XXYLT1: variants seen among roughly 807,000 people sequenced by gnomAD.
XXYLT1 encodes UDP-xylose:alpha-xyloside alpha-1,3-xylosyltransferase.
A neutral mutation model predicts 28.9 loss-of-function variants in XXYLT1; 20 were observed. The observed-to-expected ratio is 0.69, with a 90% confidence interval of 0.49 to 1.00. The LOEUF (loss-of-function observed/expected upper bound fraction) is 1.00, where lower values mean the gene tolerates loss of function less well. XXYLT1 is among the 50% of genes least tolerant of loss of function. The pLI, the probability that XXYLT1 is intolerant of heterozygous loss-of-function variation, is 0.00. For missense variants in XXYLT1, 542 were observed against 560.1 expected (o/e 0.97, Z 0.33); for synonymous variants, 257 against 253.8 (o/e 1.01, Z -0.12).
chr3:195,252,717 CACACACACACAG>C lies in XXYLT1; in HGVS notation c.504+17826_504+17837del, dbSNP rs1157399872. ...CCACACACACACACACACACACACA[CACACACACACAG>C]AGAGAGAGAGAGAGAGAGAGAGAGA... On this transcript the variant is annotated intron_variant, in intron 1 of 3. Coordinates refer to ENST00000310380, the MANE Select transcript of XXYLT1 (RefSeq NM_152531.5). 5.8e-3 allele frequency among the ~76,000 whole-genome samples: 815 copies of C among 139,514 alleles called. 9 individuals are homozygous for C. Among genetic ancestry groups the C allele is most frequent in the African/African-American group, 0.021 (681 of 32,300 alleles). 91.5% of individuals were successfully genotyped at this position (139,514 alleles called of 152,430 possible).
intron 2 of XXYLT1, among the ~76,000 whole-genome samples, chr3:195,171,276 G>T (rs893851837): frequency 1.3e-5 from 2 of 152,224 alleles, no homozygotes; most frequent in African/African-American, 2.4e-5. Flanking sequence ...CTTCCCACAG[G>T]AGGGCAGGTT....
In XXYLT1 at chr3:195,068,492, T is replaced by TAAAC; in HGVS notation, c.*1219_*1222dup. 2 of 152,228 alleles carry TAAAC rather than the reference T, an allele frequency of 1.3e-5. No homozygotes were observed. The highest frequency in any genetic ancestry group is 4.1e-4 in the South Asian group (2 of 4,824). 9.4% of individuals were successfully genotyped at this position (152,228 alleles called of 1,614,324 possible). On this transcript the variant is annotated 3_prime_UTR_variant, in exon 4 of 4. Coordinates refer to ENST00000310380, the MANE Select transcript of XXYLT1 (RefSeq NM_152531.5). ...AACGTGGTATGATAAGGGGATTTTTTAAACAAAGAAACTAGAATGCTTACT... is the reference window on the plus strand; with the variant it reads ...AACGTGGTATGATAAGGGGATTTTTTAAACAAACAAAGAAACTAGAATGCTTACT...
chr3:195,113,820 C>A (rs1031052658), intron 3 of XXYLT1, among the ~76,000 whole-genome samples: 1 of 152,086 alleles, frequency 6.6e-6, no homozygotes, highest in African/African-American at 2.4e-5. Flanking sequence ...GAGCCCTGGG[C>A]ATTCTGATAG....
intron 3 of XXYLT1, among the ~76,000 whole-genome samples, chr3:195,084,854 G>A (rs1286461804): frequency 6.6e-6 from 1 of 152,190 alleles, no homozygotes; most frequent in African/African-American, 2.4e-5. Context: ...CTGATGGCAG[G>A]ACCATTCTCC....
intron 1 of XXYLT1, among the ~76,000 whole-genome samples, chr3:195,238,867 CT>C (rs762900087): frequency 6.6e-6 from 1 of 152,224 alleles, no homozygotes; most frequent in Non-Finnish European, 1.5e-5. Context: ...GGGAAGGCCT[CT>C]GTGTTCACTA....
At chr3:195,214,763 C>G (rs1283587239) in intron 2 of XXYLT1, 2 of 152,182 alleles carry the variant, frequency 1.3e-5, no homozygotes, top group African/African-American at 4.8e-5. Flanking sequence ...TGCCTCATGA[C>G]GGCTAATTAA....
At chr3:195,171,411 A>G (rs1339623802) in intron 2 of XXYLT1, among the ~76,000 whole-genome samples, 1 of 152,102 alleles carries the variant, frequency 6.6e-6, no homozygotes, top group Admixed American at 6.5e-5. Context: ...CCAACCATAA[A>G]CCCAGACTTC....
At chr3:195,198,441 C>A (rs1352420494) in intron 2 of XXYLT1, among the ~76,000 whole-genome samples, 1 of 152,160 alleles carries the variant, frequency 6.6e-6, no homozygotes. Context: ...CATGCTATAT[C>A]CACAGTAAGA....
At chr3:195,142,025 C>T (rs1719519859) in intron 3 of XXYLT1, among the ~76,000 whole-genome samples, 1 of 152,242 alleles carries the variant, frequency 6.6e-6, no homozygotes, top group Admixed American at 6.5e-5. Flanking sequence ...CTCCTTATTT[C>T]AACCATAGAG....
At chr3:195,147,671 G>A (rs1392146492) in intron 3 of XXYLT1, among the ~76,000 whole-genome samples, 1 of 152,188 alleles carries the variant, frequency 6.6e-6, no homozygotes, top group Non-Finnish European at 1.5e-5. Context: ...TGGGACTACA[G>A]AGCCTGACTT....
Position 195,068,953 on chromosome 3 carries a change from T to A in XXYLT1, c.*762A>T, listed in dbSNP as rs560093674. On this transcript the variant is annotated 3_prime_UTR_variant, in exon 4 of 4. Coordinates refer to ENST00000310380, the MANE Select transcript of XXYLT1 (RefSeq NM_152531.5). ...TGTCCTTGTGGTGGCCAGTCTCTGT[T>A]CTTTGATGACGAATTTGCTTTCTGA... The A allele has an allele frequency of 6.6e-6, 1 of 152,328 alleles. No homozygotes were observed. Among genetic ancestry groups the A allele is most frequent in the Non-Finnish European group, 1.5e-5 (1 of 68,060 alleles). The allele number at this position is 152,328 out of a possible 1,614,324, so 9.4% of individuals were successfully genotyped here. A position where few individuals can be genotyped will look rare whatever the true frequency, so the allele number is the denominator to read the frequency against.
chr3:195,134,064 A>G (rs1025933965), intron 3 of XXYLT1, among the ~76,000 whole-genome samples: 3 of 152,220 alleles, frequency 2.0e-5, no homozygotes, highest in Non-Finnish European at 4.4e-5. Flanking sequence ...ACAGACAGAC[A>G]GACAGAAAGA....
intron 3 of XXYLT1, among the ~76,000 whole-genome samples, chr3:195,118,009 C>T (rs2410843): frequency 0.17 from 25,846 of 152,222 alleles, 2,275 homozygotes; most frequent in East Asian, 0.26. Flanking sequence ...CACCCCTTAA[C>T]GCTTCTGCTC....
chr3:195,100,631 G>T (rs2108676219), intron 3 of XXYLT1, among the ~76,000 whole-genome samples: 1 of 152,140 alleles, frequency 6.6e-6, no homozygotes, highest in Admixed American at 6.5e-5. Context: ...CCAGACCCAA[G>T]TTCCTGGGCC....
chr3:195,094,699 T>C (rs765768511), intron 3 of XXYLT1: 5 of 153,572 alleles, frequency 3.3e-5, no homozygotes, highest in Non-Finnish European at 7.3e-5. Flanking sequence ...ACGCTTCCCG[T>C]CTCCACGCCA....
intron 2 of XXYLT1, among the ~76,000 whole-genome samples, chr3:195,212,291 T>G (rs1317825707): frequency 1.3e-5 from 2 of 152,114 alleles, no homozygotes; most frequent in East Asian, 3.9e-4. Context: ...TGGGATCGGA[T>G]CCGACAGGAT....
intron 3 of XXYLT1, among the ~76,000 whole-genome samples, chr3:195,143,825 T>TAG (rs1490628173): frequency 2.1e-5 from 2 of 93,860 alleles, no homozygotes; most frequent in Non-Finnish European, 4.4e-5. Context: ...GATATAGATA[T>TAG]ATATAGATAT....
intron 2 of XXYLT1, among the ~76,000 whole-genome samples, chr3:195,211,550 G>A (rs1194382429): frequency 6.6e-6 from 1 of 152,210 alleles, no homozygotes; most frequent in African/African-American, 2.4e-5. Flanking sequence ...ATCGCTCTGG[G>A]AACTGGGAAC....
At chr3:195,238,009 T>C (rs888628822) in intron 1 of XXYLT1, among the ~76,000 whole-genome samples, 3 of 152,244 alleles carry the variant, frequency 2.0e-5, no homozygotes, top group South Asian at 2.1e-4. Context: ...ACCTCCAGAA[T>C]TGTTTTCCAA....
Sources: allele counts gnomAD v4.1 joint callset (sites outside exome capture counted in the v4.1 genomes callset), GRCh38; gene constraint gnomAD v4.1.1; transcripts MANE v1.5; gene names NCBI Gene and HGNC (gene_info 2026-07-23, HGNC 2026-07-21).